The following CHCHD6 variants were observed in gnomAD, a reference collection of about 807,000 sequenced individuals.
The protein encoded by CHCHD6 is coiled-coil-helix-coiled-coil-helix domain containing 6.
CHCHD6 carries 28 observed loss-of-function variants against 32.3 expected under a neutral mutation model. That is an observed-to-expected ratio of 0.87 (90% CI 0.64 to 1.19). The LOEUF (loss-of-function observed/expected upper bound fraction) is 1.19. Among genes scored for constraint, CHCHD6 ranks in the 50% most tolerant of loss-of-function variants. The pLI is 0.00. For synonymous variants in CHCHD6, 122 were observed against 117.5 expected (o/e 1.04, Z -0.25); for missense variants, 333 against 307.0 (o/e 1.08, Z -0.63).
intron 5 of CHCHD6, among the ~76,000 whole-genome samples, chr3:126,900,895 C>T (rs576189493): frequency 3.1e-4 from 47 of 152,144 alleles, no homozygotes; most frequent in Admixed American, 1.5e-3. Context: ...TGAGCCACCA[C>T]GCCTGGCCAG....
intron 4 of CHCHD6, among the ~76,000 whole-genome samples, chr3:126,824,388 C>T (rs565204788): frequency 1.3e-4 from 19 of 150,404 alleles, no homozygotes; most frequent in Non-Finnish European, 2.4e-4. Flanking sequence ...ATGGAGAAGC[C>T]CCGTCTCTGC....
At position 126,954,666 on chromosome 3, in the gene CHCHD6, G is replaced by A. The variant is rs139090478; in HGVS notation, c.567-2750G>A. On this transcript the variant is annotated intron_variant, in intron 6 of 7. Transcript: ENST00000290913. The stretch of plus-strand genomic sequence containing the variant: ...CTCAGTGCCTGCTGGCCTCCACGGT[G>A]CAGCCAGGAACCAGGCTCACCAGGG... 6.8e-3 allele frequency among the ~76,000 whole-genome samples: 1,029 copies of A among 152,326 alleles called. 9 individuals carry two copies. Among genetic ancestry groups the A allele is most frequent in the African/African-American group, 0.022 (899 of 41,562 alleles).
intron 4 of CHCHD6, among the ~76,000 whole-genome samples, chr3:126,745,461 T>C (rs1362454286): frequency 6.6e-6 from 1 of 152,178 alleles, no homozygotes; most frequent in Non-Finnish European, 1.5e-5. Context: ...AGATGGAAGG[T>C]GGTCAATACA....
chr3:126,832,152 G>A (rs1426621274), intron 4 of CHCHD6, among the ~76,000 whole-genome samples: 1 of 152,210 alleles, frequency 6.6e-6, no homozygotes. Context: ...GAGAGGCAAG[G>A]CGGCTCTGCC....
intron 4 of CHCHD6, among the ~76,000 whole-genome samples, chr3:126,817,965 T>C (rs1939980554): frequency 6.6e-6 from 1 of 152,196 alleles, no homozygotes; most frequent in Admixed American, 6.5e-5. Context: ...AAATCCTGAT[T>C]TGGCCACTAC....
intron 4 of CHCHD6, chr3:126,766,764 G>A: frequency 8.7e-7 from 1 of 1,144,024 alleles, no homozygotes; most frequent in South Asian, 1.2e-5. Context: ...GGGAGGTGTT[G>A]GTGGCCCCCT....
At chr3:126,834,974 G>A (rs1403085676) in intron 4 of CHCHD6, among the ~76,000 whole-genome samples, 1 of 152,188 alleles carries the variant, frequency 6.6e-6, no homozygotes, top group African/African-American at 2.4e-5. Flanking sequence ...GAGCTCCGCT[G>A]TGCCATGGGC....
intron 7 of CHCHD6, among the ~76,000 whole-genome samples, chr3:126,958,645 T>C (rs2078820184): frequency 1.3e-5 from 2 of 152,262 alleles, no homozygotes; most frequent in South Asian, 4.1e-4. Flanking sequence ...GCACCGACTG[T>C]CCCTTCATGG....
intron 4 of CHCHD6, chr3:126,767,311 C>T: frequency 9.3e-7 from 1 of 1,073,268 alleles, no homozygotes; most frequent in South Asian, 1.2e-5. Context: ...CAAACGCAAA[C>T]ACGGAGCCCA....
At chr3:126,960,155 G>A (rs369701860) in intron 7 of CHCHD6, 41 bp from the exon 8 acceptor site, 164 of 1,550,974 alleles carry the variant, frequency 1.1e-4, no homozygotes, top group Non-Finnish European at 1.3e-4. Flanking sequence ...GGGCATGGGC[G>A]GAGTGGGCCC....
At position 126,923,461 on chromosome 3, in the gene CHCHD6, G is replaced by A. The variant is rs368142238; in HGVS notation, c.566+8711G>A. On this transcript the variant is annotated intron_variant, in intron 6 of 7. Coordinates refer to ENST00000290913, the MANE Select transcript of CHCHD6 (RefSeq NM_032343.3). ...ATGCTCACCAAGTCAGTGTCAGATG[G>A]GTGGATGAACTGACACCCATTGTGG... is the stretch of plus-strand genomic sequence containing the variant. 3.4e-4 allele frequency among the ~76,000 whole-genome samples: 52 copies of A among 152,268 alleles called. No individual in the cohort carries two copies. In the East Asian group the frequency reaches 8.7e-3, roughly 25 times the overall value.
intron 4 of CHCHD6, among the ~76,000 whole-genome samples, chr3:126,735,119 C>G (rs547555780): frequency 1.4e-4 from 21 of 152,238 alleles, no homozygotes; most frequent in Admixed American, 4.6e-4. Flanking sequence ...GACCCCTATC[C>G]TGGAGATGAC....
At chr3:126,858,267 G>C (rs1019413602) in intron 5 of CHCHD6, among the ~76,000 whole-genome samples, 7 of 146,418 alleles carry the variant, frequency 4.8e-5, no homozygotes, top group Middle Eastern at 3.5e-3. Context: ...TTTGGGGGCA[G>C]CAGTGACTAG....
intron 6 of CHCHD6, among the ~76,000 whole-genome samples, chr3:126,925,533 C>T (rs2078310068): frequency 6.6e-6 from 1 of 152,212 alleles, no homozygotes; most frequent in South Asian, 2.1e-4. Context: ...TCACTCTGCA[C>T]TAGGAATGTA....
intron 6 of CHCHD6, among the ~76,000 whole-genome samples, chr3:126,920,028 T>C (rs114854149): frequency 3.3e-5 from 5 of 152,106 alleles, no homozygotes; most frequent in Non-Finnish European, 5.9e-5. Flanking sequence ...CTGTCTCATA[T>C]GTCTCTTGTT....
intron 4 of CHCHD6, among the ~76,000 whole-genome samples, chr3:126,833,707 T>C (rs1940732402): frequency 6.6e-6 from 1 of 152,146 alleles, no homozygotes. Flanking sequence ...CTCGAGAAGA[T>C]TGTTGAAAAT....
At chr3:126,882,003 C>A (rs762754718) in intron 5 of CHCHD6, among the ~76,000 whole-genome samples, 1 of 152,174 alleles carries the variant, frequency 6.6e-6, no homozygotes, top group African/African-American at 2.4e-5. Flanking sequence ...TTCCAAAGGA[C>A]GGCCCAGGAG....
At chr3:126,933,935 G>T (rs1486527738) in intron 6 of CHCHD6, among the ~76,000 whole-genome samples, 1 of 152,158 alleles carries the variant, frequency 6.6e-6, no homozygotes, top group East Asian at 1.9e-4. Context: ...TCTCACACAT[G>T]CATGCATTCA....
At position 126,727,158 on chromosome 3, in the gene CHCHD6, A is replaced by G. The variant is rs774899996; in HGVS notation, c.168A>G (p.Gln56=). The G allele has an allele frequency of 1.9e-6, 3 of 1,613,702 alleles. No homozygotes were observed. Among genetic ancestry groups the G allele is most frequent in the Admixed American group, 1.7e-5 (1 of 60,032 alleles). The change falls in exon 2 of 8, where the codon CAA becomes CAG. Residue 56 remains glutamine (Q), a synonymous_variant. Transcript: ENST00000290913. Reference sequence around the variant, plus strand: ...CCACATCTTCTACCTTTGGCCTTCAAGATGGCAACTTGAGAGCCCCTCACA... The same window carrying G: ...CCACATCTTCTACCTTTGGCCTTCAGGATGGCAACTTGAGAGCCCCTCACA... ...PAPTSSTFGL[Q]DGNLRAPHKE...
Sources: gnomAD v4.1 joint callset for allele counts (sites outside exome capture counted in the v4.1 genomes callset) on GRCh38, gnomAD v4.1.1 for gene constraint, MANE v1.5 for transcripts, NCBI Gene and HGNC (gene_info 2026-07-23, HGNC 2026-07-21) for gene names.